Variants in OLFML2A observed in about 807,000 individuals in gnomAD.
OLFML2A encodes olfactomedin-like protein 2A.
Under a neutral mutation model 60.9 loss-of-function variants are expected in OLFML2A, and 47 were observed. The observed-to-expected ratio is 0.77, with a 90% CI of 0.61 to 0.98. The LOEUF is 0.98. Ranked by LOEUF, OLFML2A falls within the 50% of genes least tolerant of loss-of-function variation. The pLI, the probability that OLFML2A is intolerant of heterozygous loss-of-function variation, is 0.00. For missense variants in OLFML2A, 922 were observed against 879.8 expected, an observed-to-expected ratio of 1.05 and a Z score of -0.61; for synonymous variants, 372 against 375.0, an observed-to-expected ratio of 0.99 and a Z score of 0.09.
rs558068373 is a variant in OLFML2A, at chr9:124,795,527, C to G, written c.462+396C>G. Among the ~76,000 whole-genome samples, 31 of 152,320 alleles carry G rather than the reference C, an allele frequency of 2.0e-4. 1 individual carries two copies. Among genetic ancestry groups the G allele is most frequent in the Admixed American group, 1.8e-3 (28 of 15,298 alleles). ...GGCGCAGTGCCTCACACCTGTAATC[C>G]CAGCACTTTGGGAGGCCGAGGCAGG... On this transcript the variant is annotated intron_variant, in intron 3 of 7. Transcript: ENST00000373580.
At position 124,810,358 on chromosome 9, in the gene OLFML2A, G is replaced by A; in HGVS notation, c.1905G>A (p.Leu635=). The part of the protein sequence containing the change: ...QIDYNPKERV[L]YAWDNGHQLT... ...ACTACAACCCCAAGGAGCGGGTGCT[G>A]TACGCCTGGGACAATGGCCACCAGC... Residue 635 remains leucine (L), a synonymous_variant, in exon 8 of 8, where the codon CTG becomes CTA. Transcript: ENST00000373580. 3.1e-6 allele frequency: 5 copies of A among 1,602,822 alleles called. No individual in the cohort carries two copies. The highest frequency in any genetic ancestry group is 4.2e-6 in the Non-Finnish European group (5 of 1,179,870).
Position 124,809,657 on chromosome 9 carries a change from C to T in OLFML2A, c.1355-151C>T. 4 of 847,338 alleles carry T rather than the reference C, an allele frequency of 4.7e-6. No individual in the cohort carries two copies. The South Asian group carries it at 7.2e-5, about 15-fold the overall frequency. 52.5% of individuals were successfully genotyped at this position (847,338 alleles called of 1,614,324 possible). On this transcript the variant is annotated intron_variant, in intron 7 of 7. Coordinates refer to ENST00000373580, the MANE Select transcript of OLFML2A (RefSeq NM_182487.4). ...GACCTCCTTCAGGAGACGCTTGTGC[C>T]ATAATAAGATGTCATCCCAGCTCCA... is the stretch of plus-strand genomic sequence containing the variant.
At chr9:124,782,117 T>G (rs1376661991) in intron 1 of OLFML2A, among the ~76,000 whole-genome samples, 1 of 152,208 alleles carries the variant, frequency 6.6e-6, no homozygotes. Context: ...AGTAGGAGCC[T>G]CAGGTTCTAT....
intron 2 of OLFML2A, among the ~76,000 whole-genome samples, chr9:124,793,102 A>G (rs561903151): frequency 6.6e-6 from 1 of 152,350 alleles, no homozygotes; most frequent in Admixed American, 6.5e-5. Context: ...TGTTTTGGAA[A>G]CAGCCAGCCA....
At chr9:124,801,814 AC>A in intron 5 of OLFML2A, 151 bp downstream of exon 5, 3 of 893,544 alleles carry the variant, frequency 3.4e-6, no homozygotes, top group Non-Finnish European at 5.1e-6. Flanking sequence ...TATGAGGATA[AC>A]ACCCCACTCA....
intron 5 of OLFML2A, 98 bp from the exon 6 acceptor site, chr9:124,803,996 C>T (rs1280499651): frequency 2.1e-6 from 3 of 1,412,536 alleles, no homozygotes; most frequent in Non-Finnish European, 2.9e-6. Flanking sequence ...CCCTCCACTC[C>T]CTGAGGGCCC....
intron 2 of OLFML2A, among the ~76,000 whole-genome samples, chr9:124,794,714 T>C (rs1354203434): frequency 6.6e-6 from 1 of 152,078 alleles, no homozygotes; most frequent in African/African-American, 2.4e-5. Flanking sequence ...CCCCACCTTC[T>C]GGGTTCAAGC....
At chr9:124,797,798 C>G (rs1424474805) in intron 3 of OLFML2A, among the ~76,000 whole-genome samples, 2 of 152,188 alleles carry the variant, frequency 1.3e-5, no homozygotes, top group Non-Finnish European at 2.9e-5. Context: ...GGGTGACAGC[C>G]CAGCAAAGGA....
Position 124,804,214 on chromosome 9 carries a change from G to C in OLFML2A, c.1040G>C (p.Arg347Pro). The change falls in exon 6 of 8, where the codon CGA becomes CCA. Residue 347 changes from arginine (R) to proline (P), a missense_variant. Transcript: ENST00000373580. ...GAGGCTGAGCCCAGGTCCTCCGAGCGAGTGGACCTGGCTTCTGGCACCCCC... is the reference window on the plus strand; with the variant it reads ...GAGGCTGAGCCCAGGTCCTCCGAGCCAGTGGACCTGGCTTCTGGCACCCCC... ...QDEAEPRSSE[R>P]VDLASGTPTS... 6.2e-7 allele frequency: 1 copy of C among 1,613,990 alleles called. No homozygotes were observed. The highest frequency in any genetic ancestry group is 8.5e-7 in the Non-Finnish European group (1 of 1,179,994).
chr9:124,810,034 G>A lies in OLFML2A; in HGVS notation c.1581G>A (p.Glu527=). The A allele has an allele frequency of 6.2e-7, 1 of 1,614,022 alleles. No individual in the cohort carries two copies. Among genetic ancestry groups the A allele is most frequent in the East Asian group, 2.2e-5 (1 of 44,878 alleles). The change falls in exon 8 of 8, where the codon GAG becomes GAA. Residue 527 remains glutamate (E), a synonymous_variant. Coordinates refer to ENST00000373580, the MANE Select transcript of OLFML2A (RefSeq NM_182487.4). ...CGGACATTGACTTTGCCGTGGACGA[G>A]AGCGGCCTGTGGGTCATCTACCCCG... ...GHSDIDFAVD[E]SGLWVIYPAV...
chr9:124,809,704 A>G, intron 7 of OLFML2A, 104 bp from the exon 8 acceptor site: 1 of 1,324,682 alleles, frequency 7.5e-7, no homozygotes, highest in Non-Finnish European at 1.0e-6. Flanking sequence ...CATGCTTGGT[A>G]TCAGTCACTT....
intron 7 of OLFML2A, among the ~76,000 whole-genome samples, chr9:124,809,148 CAGAG>C (rs1841954515): frequency 6.6e-6 from 1 of 152,002 alleles, no homozygotes; most frequent in Non-Finnish European, 1.5e-5. Context: ...GCCTGGATGA[CAGAG>C]AGAGACTCTA....
intron 4 of OLFML2A, chr9:124,800,915 C>G (rs1472461501): frequency 6.5e-7 from 1 of 1,541,848 alleles, no homozygotes; most frequent in East Asian, 2.5e-5. Context: ...CCCAGTTTGC[C>G]TGGGACTTGA....
At chr9:124,808,053 T>G in intron 7 of OLFML2A, 87 bp downstream of exon 7, 1 of 992,070 alleles carries the variant, frequency 1.0e-6, no homozygotes, top group Non-Finnish European at 1.6e-6. Flanking sequence ...CCTTGCCTTG[T>G]GGGTTTCTAT....
chr9:124,800,251 C>G (rs1028768981), intron 4 of OLFML2A, among the ~76,000 whole-genome samples: 1 of 152,246 alleles, frequency 6.6e-6, no homozygotes, highest in African/African-American at 2.4e-5. Context: ...CCCATTCAGG[C>G]TCCTCTGGCC....
rs1841429446 is a variant in OLFML2A at position 124,784,943 on chromosome 9, G to GTTGTTTTTTTTTTTTTTT, written c.91-2030_91-2029insGTTTTTTTTTTTTTTTTT. 2.9e-5 allele frequency among the ~76,000 whole-genome samples: 2 copies of GTTGTTTTTTTTTTTTTTT among 69,542 alleles called. 1 individual carries two copies. The highest frequency in any genetic ancestry group is 4.1e-4 in the Admixed American group (2 of 4,880). The allele number at this position is 69,542 out of a possible 152,430, so 45.6% of individuals were successfully genotyped here. The stretch of plus-strand genomic sequence containing the variant: ...AATCAGTACTGCATTCCTTTTACTT[G>GTTGTTTTTTTTTTTTTTT]TTTTTTTTTTTTTTTTTTTTTTTTT... On this transcript the variant is annotated intron_variant, in intron 1 of 7. Transcript: ENST00000373580.
chr9:124,807,704 T>C, intron 6 of OLFML2A, 77 bp from the exon 7 acceptor site: 1 of 1,190,156 alleles, frequency 8.4e-7, no homozygotes, highest in Non-Finnish European at 1.2e-6. Context: ...TAGACCCAGA[T>C]AACATTCCCA....
intron 4 of OLFML2A, 73 bp from the exon 5 acceptor site, chr9:124,801,341 T>G: frequency 6.6e-7 from 1 of 1,519,972 alleles, no homozygotes. Context: ...AGTCCCCACA[T>G]GCTGAGCCCC....
intron 1 of OLFML2A, among the ~76,000 whole-genome samples, chr9:124,780,586 C>T (rs779491002): frequency 2.0e-5 from 3 of 152,190 alleles, no homozygotes; most frequent in Non-Finnish European, 4.4e-5. Flanking sequence ...ACAGGCTCTC[C>T]GGCAGGCGAG....
Sources: gnomAD v4.1 joint callset for allele counts (sites outside exome capture counted in the v4.1 genomes callset) on GRCh38, gnomAD v4.1.1 for gene constraint, MANE v1.5 for transcripts, NCBI Gene and HGNC (gene_info 2026-07-23, HGNC 2026-07-21) for gene names.